Variants in RBFOX1 observed in about 807,000 individuals in gnomAD.
The protein encoded by RBFOX1 is RNA binding fox-1 homolog 1.
Under a neutral mutation model 57.7 loss-of-function variants are expected in RBFOX1, and 8 were observed. The observed-to-expected ratio is 0.14, with a 90% CI of 0.08 to 0.25. The LOEUF is 0.25. RBFOX1 is among the 10% of genes least tolerant of loss of function. The pLI is 1.00. For missense variants in RBFOX1, 611 were observed against 548.5 expected (o/e 1.11, Z -1.14); for synonymous variants, 326 against 222.4 (o/e 1.47, Z -4.15).
chr16:6,190,536 A>G (rs1427276970), intron 1 of RBFOX1, among the ~76,000 whole-genome samples: 1 of 152,232 alleles, frequency 6.6e-6, no homozygotes, highest in African/African-American at 2.4e-5. Context: ...TAGGATTGTT[A>G]TGAAGTTGAA....
chr16:7,627,274 C>G (rs1273112668), intron 10 of RBFOX1, among the ~76,000 whole-genome samples: 4 of 151,716 alleles, frequency 2.6e-5, no homozygotes, highest in African/African-American at 7.3e-5. Context: ...TTCACCAACT[C>G]TAATCAAATG....
chr16:6,551,370 T>A lies in RBFOX1; in HGVS notation c.-63-103233T>A, dbSNP rs192867748. On this transcript the variant is annotated intron_variant, in intron 2 of 15. Transcript: ENST00000550418. Reference sequence around the variant, plus strand: ...TCTCAGACTAGTTATTCAACAACTGTGTGCCTAAATTTTCCTGCCTGTAAA... The same window carrying A: ...TCTCAGACTAGTTATTCAACAACTGAGTGCCTAAATTTTCCTGCCTGTAAA... Among the ~76,000 whole-genome samples, 3 of 152,306 alleles carry A rather than the reference T, an allele frequency of 2.0e-5. No homozygotes were observed. The East Asian group carries it at 5.8e-4, about 29-fold the overall frequency.
chr16:5,584,403 A>G (rs906318756), intron 2 of RBFOX1, among the ~76,000 whole-genome samples: 1 of 152,130 alleles, frequency 6.6e-6, no homozygotes, highest in Non-Finnish European at 1.5e-5. Context: ...ACCAAGCTGC[A>G]TCTCCCAGCA....
intron 4 of RBFOX1, among the ~76,000 whole-genome samples, chr16:5,874,519 A>C (rs1216615965): frequency 1.3e-5 from 2 of 152,082 alleles, no homozygotes; most frequent in Non-Finnish European, 2.9e-5. Context: ...TTCTTCTAAG[A>C]ACACTGAAGG....
intron 4 of RBFOX1, among the ~76,000 whole-genome samples, chr16:7,091,579 A>C (rs1037879226): frequency 6.6e-6 from 1 of 151,928 alleles, no homozygotes; most frequent in African/African-American, 2.4e-5. Context: ...CAGGATCCTG[A>C]GAGTCCTCTA....
chr16:7,366,745 C>T (rs756626871), intron 4 of RBFOX1, among the ~76,000 whole-genome samples: 5 of 151,694 alleles, frequency 3.3e-5, no homozygotes, highest in Non-Finnish European at 2.9e-5. Context: ...GCTACAAAGC[C>T]GTTCAAGAGT....
chr16:5,918,947 T>A (rs1294879721), intron 4 of RBFOX1, among the ~76,000 whole-genome samples: 2 of 152,142 alleles, frequency 1.3e-5, no homozygotes, highest in Non-Finnish European at 2.9e-5. Flanking sequence ...GGAAGGAAGG[T>A]GTTCCACATG....
At chr16:6,047,044 G>C (rs972702133) in intron 1 of RBFOX1, among the ~76,000 whole-genome samples, 1 of 152,178 alleles carries the variant, frequency 6.6e-6, no homozygotes, top group Non-Finnish European at 1.5e-5. Flanking sequence ...TGCTGCCATG[G>C]AGCTGAAGAT....
At chr16:6,742,780 C>T (rs182013368) in intron 3 of RBFOX1, among the ~76,000 whole-genome samples, 4 of 152,076 alleles carry the variant, frequency 2.6e-5, no homozygotes, top group Admixed American at 2.6e-4. Context: ...ACACTTTGAC[C>T]ATGAGAGAAG....
intron 1 of RBFOX1, among the ~76,000 whole-genome samples, chr16:6,289,865 GAAT>G (rs1313894682): frequency 4.6e-5 from 7 of 152,126 alleles, no homozygotes; most frequent in Non-Finnish European, 7.4e-5. Flanking sequence ...CTCAGTAAGA[GAAT>G]AATGATTTCA....
At chr16:6,807,272 G>C (rs1388880417) in intron 3 of RBFOX1, among the ~76,000 whole-genome samples, 4 of 152,076 alleles carry the variant, frequency 2.6e-5, no homozygotes, top group Non-Finnish European at 5.9e-5. Context: ...TGAGGGAGAT[G>C]ATGGGAACTA....
intron 2 of RBFOX1, among the ~76,000 whole-genome samples, chr16:6,607,459 T>C (rs1014155758): frequency 2.7e-5 from 4 of 149,674 alleles, no homozygotes; most frequent in Admixed American, 6.7e-5. Context: ...TCTTCCTCTC[T>C]CTCTTCCTCC....
chr16:7,447,848 G>A (rs2098820690), intron 4 of RBFOX1, among the ~76,000 whole-genome samples: 1 of 152,240 alleles, frequency 6.6e-6, no homozygotes, highest in Admixed American at 6.5e-5. Flanking sequence ...GCCTAGAACA[G>A]ATTTTTCTGT....
intron 4 of RBFOX1, among the ~76,000 whole-genome samples, chr16:7,240,019 T>A (rs765189782): frequency 6.6e-6 from 1 of 152,086 alleles, no homozygotes; most frequent in Non-Finnish European, 1.5e-5. Flanking sequence ...CAGGCTGGAG[T>A]GCAATGCTGC....
chr16:6,761,022 A>G (rs1245851933), intron 3 of RBFOX1, among the ~76,000 whole-genome samples: 1 of 152,154 alleles, frequency 6.6e-6, no homozygotes, highest in African/African-American at 2.4e-5. Flanking sequence ...GAAAATACCA[A>G]ACAGAACATT....
intron 3 of RBFOX1, among the ~76,000 whole-genome samples, chr16:6,840,507 C>G (rs1444961096): frequency 6.6e-6 from 1 of 152,060 alleles, no homozygotes; most frequent in Non-Finnish European, 1.5e-5. Flanking sequence ...AAATTCTAAT[C>G]CCAAGGTGAT....
chr16:6,592,055 G>C (rs986819184), intron 2 of RBFOX1, among the ~76,000 whole-genome samples: 10 of 152,274 alleles, frequency 6.6e-5, no homozygotes, highest in African/African-American at 2.4e-4. Context: ...AGACTTCCAT[G>C]TGTGTGAAAT....
intron 6 of RBFOX1, among the ~76,000 whole-genome samples, chr16:7,586,249 G>T (rs531534956): frequency 9.9e-5 from 15 of 152,070 alleles, no homozygotes; most frequent in African/African-American, 3.6e-4. Flanking sequence ...ATGCAGGTTA[G>T]GCTACTGTAC....
At position 6,213,236 on chromosome 16, in the gene RBFOX1, C is replaced by G. The variant is rs535165163; in HGVS notation, c.-126-103759C>G. 8.6e-5 allele frequency among the ~76,000 whole-genome samples: 13 copies of G among 152,032 alleles called. No individual in the cohort carries two copies. In the South Asian group the frequency reaches 1.7e-3, roughly 19 times the overall value. On this transcript the variant is annotated intron_variant, in intron 1 of 15. Coordinates refer to ENST00000550418, the MANE Select transcript of RBFOX1 (RefSeq NM_018723.4). ...GTCTTTGGGGATAGCTTTATGAGCT[C>G]TTTCTTGAACGCTTAATTATTTCTT...
Sources: gnomAD v4.1 joint callset for allele counts (sites outside exome capture counted in the v4.1 genomes callset) on GRCh38, gnomAD v4.1.1 for gene constraint, MANE v1.5 for transcripts, NCBI Gene and HGNC (gene_info 2026-07-23, HGNC 2026-07-21) for gene names.